Variants in ADGRB3 observed in about 807,000 individuals in gnomAD.
ADGRB3 encodes the protein adhesion G protein-coupled receptor B3.
In ADGRB3, 37 loss-of-function variants were observed where a neutral mutation model predicts 193.4. The ratio of observed to expected loss-of-function variants is 0.19; its 90% CI spans 0.15 to 0.25. The LOEUF is 0.25. Among genes scored for constraint, ADGRB3 ranks in the 10% least tolerant of loss-of-function variants. ADGRB3 has a pLI of 1.00. For synonymous variants in ADGRB3, 690 were observed against 644.2 expected (o/e 1.07, Z -1.08); for missense variants, 1,637 against 1,852.9 (o/e 0.88, Z 2.14).
At chr6:69,058,488 G>T (rs1771613778) in intron 15 of ADGRB3, among the ~76,000 whole-genome samples, 3 of 151,570 alleles carry the variant, frequency 2.0e-5, no homozygotes, top group East Asian at 1.9e-4. Flanking sequence ...CATTAACTTT[G>T]GGTTTAGTTT....
intron 3 of ADGRB3, among the ~76,000 whole-genome samples, chr6:68,853,935 G>A (rs567434635): frequency 4.6e-5 from 7 of 152,212 alleles, no homozygotes; most frequent in African/African-American, 1.4e-4. Context: ...ATGCATGTGC[G>A]AAGGGAATTT....
chr6:69,249,043 T>A (rs1219057645), intron 20 of ADGRB3, among the ~76,000 whole-genome samples: 2 of 152,334 alleles, frequency 1.3e-5, no homozygotes, highest in East Asian at 3.9e-4. Flanking sequence ...AGTAGCGCGA[T>A]CTTGGCTCAC....
chr6:68,948,294 A>T (rs529266071), intron 6 of ADGRB3, among the ~76,000 whole-genome samples: 1 of 152,146 alleles, frequency 6.6e-6, no homozygotes, highest in African/African-American at 2.4e-5. Context: ...TTCTGTGAGC[A>T]TCAGGCAAGC....
intron 3 of ADGRB3, among the ~76,000 whole-genome samples, chr6:68,697,644 T>C (rs1168147332): frequency 6.6e-6 from 1 of 152,004 alleles, no homozygotes; most frequent in Non-Finnish European, 1.5e-5. Context: ...TCTTCTCTTT[T>C]AGTGAAACAA....
chr6:68,745,607 T>C (rs927958717), intron 3 of ADGRB3, among the ~76,000 whole-genome samples: 6 of 152,220 alleles, frequency 3.9e-5, no homozygotes, highest in African/African-American at 1.4e-4. Flanking sequence ...AGATATTCTG[T>C]TCTCCCTTCT....
intron 15 of ADGRB3, among the ~76,000 whole-genome samples, chr6:69,053,036 AT>A (rs1771444983): frequency 6.6e-6 from 1 of 152,114 alleles, no homozygotes; most frequent in Admixed American, 6.5e-5. Flanking sequence ...AAATACAAAA[AT>A]TAGCCGTGCA....
chr6:68,926,510 G>A (rs1316180728), intron 3 of ADGRB3, among the ~76,000 whole-genome samples: 1 of 152,108 alleles, frequency 6.6e-6, no homozygotes, highest in Non-Finnish European at 1.5e-5. Context: ...ATAGCAACAA[G>A]TAGTCCACTT....
chr6:68,824,747 T>G (rs958880875), intron 3 of ADGRB3, among the ~76,000 whole-genome samples: 1 of 151,104 alleles, frequency 6.6e-6, no homozygotes, highest in Admixed American at 6.6e-5. Flanking sequence ...TTCTGTCTCA[T>G]CTTTTTTTAT....
intron 17 of ADGRB3, among the ~76,000 whole-genome samples, chr6:69,097,496 A>G (rs1772916274): frequency 6.6e-6 from 1 of 152,180 alleles, no homozygotes. Flanking sequence ...ATTCATGTCT[A>G]AGTGCTTGAG....
chr6:68,695,203 C>T (rs534581369), intron 3 of ADGRB3, among the ~76,000 whole-genome samples: 1 of 151,982 alleles, frequency 6.6e-6, no homozygotes, highest in East Asian at 1.9e-4. Context: ...AGAGAAATGA[C>T]AAAGGGGAGC....
intron 20 of ADGRB3, among the ~76,000 whole-genome samples, chr6:69,268,330 G>T (rs1388490717): frequency 6.6e-6 from 1 of 152,010 alleles, no homozygotes; most frequent in Admixed American, 6.6e-5. Flanking sequence ...ATTTTCTTGG[G>T]CATTATTGCT....
At chr6:69,289,407 T>C (rs1295419297) in intron 20 of ADGRB3, among the ~76,000 whole-genome samples, 1 of 152,170 alleles carries the variant, frequency 6.6e-6, no homozygotes, top group Non-Finnish European at 1.5e-5. Flanking sequence ...ACTTTAGCAC[T>C]TTTCATAGAA....
rs1287852189 is a variant in ADGRB3 at position 69,280,596 on chromosome 6, G to A, written c.2814+41370G>A. On this transcript the variant is annotated intron_variant, in intron 20 of 31. Transcript: ENST00000370598. ...CGGCAATATTGTGAAGATTAAATGAGTTAATGTATGTGAAGCACTTAGAAG... is the reference window on the plus strand; with the variant it reads ...CGGCAATATTGTGAAGATTAAATGAATTAATGTATGTGAAGCACTTAGAAG... Among the ~76,000 whole-genome samples, 9 of 152,260 alleles carry A rather than the reference G, an allele frequency of 5.9e-5. No individual in the cohort carries two copies. In the Middle Eastern group the frequency reaches 0.017, roughly 288 times the overall value.
chr6:69,262,694 A>G (rs1470375148), intron 20 of ADGRB3, among the ~76,000 whole-genome samples: 15 of 151,984 alleles, frequency 9.9e-5, no homozygotes, highest in Non-Finnish European at 1.6e-4. Flanking sequence ...AGAGAGAGAG[A>G]GGAGACCACA....
chr6:69,385,325 A>C (rs1770045814), intron 31 of ADGRB3, among the ~76,000 whole-genome samples: 1 of 151,968 alleles, frequency 6.6e-6, no homozygotes, highest in African/African-American at 2.4e-5. Flanking sequence ...GAATCAAAGG[A>C]GAGAGGAAGG....
chr6:69,127,037 A>G (rs768867219), intron 17 of ADGRB3, among the ~76,000 whole-genome samples: 2 of 152,360 alleles, frequency 1.3e-5, no homozygotes, highest in Non-Finnish European at 2.9e-5. Context: ...AGAGAAGAGA[A>G]CTTTTGAGAA....
At chr6:68,738,008 A>C (rs73463941) in intron 3 of ADGRB3, among the ~76,000 whole-genome samples, 2 of 152,124 alleles carry the variant, frequency 1.3e-5, no homozygotes, top group Non-Finnish European at 2.9e-5. Flanking sequence ...AGGTGTTGCT[A>C]GGGAGAATGG....
At chr6:69,297,368 T>TCTCTCTCTCTCTTTC (rs1767846054) in intron 20 of ADGRB3, among the ~76,000 whole-genome samples, 3 of 97,616 alleles carry the variant, frequency 3.1e-5, no homozygotes, top group African/African-American at 7.9e-5. Flanking sequence ...CTCTCTCTCT[T>TCTCTCTCTCTCTTTC]TCTCTCTCTC....
chr6:68,635,417 C>G lies in ADGRB3; in HGVS notation c.-771C>G, dbSNP rs532882277. ...TTTTTTCCCCGCTCTCCTTAGTCGC[C>G]GTCCGTCCATCAGTACCTGCAGGGG... On this transcript the variant is annotated 5_prime_UTR_variant, in exon 1 of 32. Transcript: ENST00000370598. The G allele has an allele frequency of 6.6e-6, 1 of 152,356 alleles. No individual in the cohort carries two copies. Among genetic ancestry groups the G allele is most frequent in the African/African-American group, 2.4e-5 (1 of 41,514 alleles). 9.4% of individuals were successfully genotyped at this position (152,356 alleles called of 1,614,324 possible). A position where few individuals can be genotyped will look rare whatever the true frequency, so the allele number is the denominator to read the frequency against.
Sources: allele counts gnomAD v4.1 joint callset (sites outside exome capture counted in the v4.1 genomes callset), GRCh38; gene constraint gnomAD v4.1.1; transcripts MANE v1.5; gene names NCBI Gene and HGNC (gene_info 2026-07-23, HGNC 2026-07-21).